The following NEBL variants were observed in gnomAD, a reference collection of about 807,000 sequenced individuals.
The protein encoded by NEBL is LIM and SH3 protein 2.
A neutral mutation model predicts 140.2 loss-of-function variants in NEBL; 122 were observed. The ratio of observed to expected loss-of-function variants is 0.87; its 90% CI spans 0.75 to 1.01. The LOEUF (loss-of-function observed/expected upper bound fraction) is 1.01. NEBL is among the 50% of genes least tolerant of loss of function. The probability of loss-of-function intolerance (pLI) is 0.00; values close to 1 mark genes in which losing one functional copy is unlikely to be tolerated. For missense variants in NEBL, 1,365 were observed against 1,231.3 expected (o/e 1.11, Z -1.62); for synonymous variants, 436 against 398.9 (o/e 1.09, Z -1.11).
intron 3 of NEBL, among the ~76,000 whole-genome samples, chr10:20,889,082 G>T (rs1200062401): frequency 2.6e-5 from 4 of 152,172 alleles, no homozygotes; most frequent in Admixed American, 2.6e-4. Flanking sequence ...TAATCCCAAG[G>T]ACATCCAGTT....
chr10:20,857,026 A>C (rs1244804825), intron 9 of NEBL, among the ~76,000 whole-genome samples: 1 of 152,092 alleles, frequency 6.6e-6, no homozygotes, highest in East Asian at 1.9e-4. Flanking sequence ...ACGAGGTTTC[A>C]CCATGTTGGC....
chr10:21,062,398 C>T (rs111949309), intron 2 of NEBL, among the ~76,000 whole-genome samples: 2,644 of 152,014 alleles, frequency 0.017, 81 homozygotes, highest in African/African-American at 0.06. Flanking sequence ...TAGTGGCTCT[C>T]GCCTGTAATC....
intron 2 of NEBL, among the ~76,000 whole-genome samples, chr10:20,892,728 G>T (rs1000207422): frequency 2.6e-5 from 4 of 152,266 alleles, no homozygotes; most frequent in Middle Eastern, 3.4e-3. Flanking sequence ...CCTCCTCCTG[G>T]CCAAGTTTGT....
At chr10:21,108,053 T>C (rs1837803432) in intron 2 of NEBL, among the ~76,000 whole-genome samples, 1 of 152,170 alleles carries the variant, frequency 6.6e-6, no homozygotes, top group Non-Finnish European at 1.5e-5. Context: ...TTGATTCTTC[T>C]CTCTTTTCTC....
upstream of NEBL, chr10:21,175,161 G>C (rs917862086): frequency 3.3e-5 from 5 of 152,172 alleles, no homozygotes. Context: ...AAAATGAATC[G>C]AACACAGCCT....
At chr10:21,102,623 A>C (rs1345559508) in intron 2 of NEBL, among the ~76,000 whole-genome samples, 1 of 152,100 alleles carries the variant, frequency 6.6e-6, no homozygotes, top group Admixed American at 6.5e-5. Context: ...TTGGATTTTC[A>C]TTCTTTTGAG....
rs1329838768 is a variant in NEBL at position 20,784,464 on chromosome 10, G to A, written c.*1283C>T. The A allele has an allele frequency of 6.6e-6, 1 of 151,852 alleles. No individual in the cohort carries two copies. The highest frequency in any genetic ancestry group is 2.4e-5 in the African/African-American group (1 of 41,292). The allele number at this position is 151,852 out of a possible 1,614,324, so 9.4% of individuals were successfully genotyped here. A position where few individuals can be genotyped will look rare whatever the true frequency, so the allele number is the denominator to read the frequency against. On this transcript the variant is annotated 3_prime_UTR_variant, in exon 28 of 28. Coordinates refer to ENST00000377122, the MANE Select transcript of NEBL (RefSeq NM_006393.3). ...CTAAAAAATCTCTGATGACATTCCT[G>A]TTTCATTCCCTTAAAAATGATTTAG...
chr10:20,937,985 C>G (rs974204545), intron 4 of NEBL, among the ~76,000 whole-genome samples: 6 of 152,198 alleles, frequency 3.9e-5, no homozygotes, highest in Non-Finnish European at 4.4e-5. Flanking sequence ...AGGAGGCCTG[C>G]CTGCCTCTGT....
intron 2 of NEBL, among the ~76,000 whole-genome samples, chr10:21,072,762 C>T (rs998119803): frequency 5.3e-5 from 8 of 151,816 alleles, no homozygotes; most frequent in Admixed American, 1.3e-4. Context: ...AGGCTGAGGC[C>T]GGTGGATAAC....
intron 2 of NEBL, among the ~76,000 whole-genome samples, chr10:21,162,940 T>C (rs1169522667): frequency 1.3e-5 from 2 of 152,230 alleles, no homozygotes; most frequent in Non-Finnish European, 2.9e-5. Flanking sequence ...AAATTACAAA[T>C]ATATCTAAAT....
chr10:21,008,394 C>A (rs902703483), intron 3 of NEBL, among the ~76,000 whole-genome samples: 23 of 152,128 alleles, frequency 1.5e-4, no homozygotes, highest in African/African-American at 4.8e-4. Flanking sequence ...TTCTATCTTA[C>A]TATTAGTTAT....
intron 2 of NEBL, among the ~76,000 whole-genome samples, chr10:21,107,358 T>C (rs534663582): frequency 6.6e-6 from 1 of 152,322 alleles, no homozygotes; most frequent in South Asian, 2.1e-4. Flanking sequence ...ACCTAGTTTA[T>C]TGAGAGTTTT....
At chr10:21,064,678 A>G (rs1835454124) in intron 2 of NEBL, among the ~76,000 whole-genome samples, 1 of 152,240 alleles carries the variant, frequency 6.6e-6, no homozygotes, top group African/African-American at 2.4e-5. Flanking sequence ...GAAAAATAGT[A>G]CAAGCCATGT....
intron 3 of NEBL, among the ~76,000 whole-genome samples, chr10:20,989,014 T>C (rs1165499015): frequency 6.6e-6 from 1 of 152,218 alleles, no homozygotes; most frequent in Admixed American, 6.5e-5. Flanking sequence ...GTTCTTATTT[T>C]CATAACTAAA....
intron 4 of NEBL, among the ~76,000 whole-genome samples, chr10:20,949,370 G>A (rs1404955240): frequency 4.6e-5 from 7 of 152,068 alleles, no homozygotes; most frequent in Non-Finnish European, 5.9e-5. Context: ...CCTAGGTGAC[G>A]GATTGATAGG....
chr10:20,866,648 TCTC>T (rs1844325532), intron 7 of NEBL, among the ~76,000 whole-genome samples: 1 of 152,134 alleles, frequency 6.6e-6, no homozygotes, highest in Non-Finnish European at 1.5e-5. Flanking sequence ...AGAGTTTACT[TCTC>T]CCATTAAATC....
chr10:21,159,348 T>C (rs61505666), intron 2 of NEBL, among the ~76,000 whole-genome samples: 7,463 of 152,196 alleles, frequency 0.049, 425 homozygotes, highest in African/African-American at 0.14. Context: ...CTAAGATTTC[T>C]TGAACAAGCA....
At chr10:21,145,686 C>T (rs541460809) in intron 2 of NEBL, among the ~76,000 whole-genome samples, 1 of 152,232 alleles carries the variant, frequency 6.6e-6, no homozygotes, top group East Asian at 1.9e-4. Flanking sequence ...CCGAACATCC[C>T]AAACATAAAG....
At chr10:21,200,902 T>C (rs1361553550) in intron 3 of NEBL, among the ~76,000 whole-genome samples, 1 of 152,082 alleles carries the variant, frequency 6.6e-6, no homozygotes, top group East Asian at 1.9e-4. Context: ...GAGAGCAGCC[T>C]GGGCAACAGA....
Sources: allele counts gnomAD v4.1 joint callset (sites outside exome capture counted in the v4.1 genomes callset), GRCh38; gene constraint gnomAD v4.1.1; transcripts MANE v1.5; gene names NCBI Gene and HGNC (gene_info 2026-07-23, HGNC 2026-07-21).